SAMD12: variants seen among roughly 807,000 people sequenced by gnomAD.
The protein encoded by SAMD12 is sterile alpha motif domain-containing protein 12.
Under a neutral mutation model 15.0 loss-of-function variants are expected in SAMD12, and 9 were observed. That is an observed-to-expected ratio of 0.60 (90% CI 0.36 to 1.05). The LOEUF (loss-of-function observed/expected upper bound fraction) is 1.05. Among genes scored for constraint, SAMD12 ranks in the 50% least tolerant of loss-of-function variants. SAMD12 has a pLI of 0.01. For missense variants in SAMD12, 230 were observed against 234.2 expected (o/e 0.98, Z 0.12); for synonymous variants, 86 against 90.1 (o/e 0.96, Z 0.25).
At chr8:118,165,655 A>G in the SAMD12 span, among the ~76,000 whole-genome samples, 1 of 90,656 alleles carries the variant, frequency 1.1e-5, no homozygotes, top group African/African-American at 4.6e-5. Flanking sequence ...TATATAAAAC[A>G]TAACAGGTGA....
At chr8:118,282,774 T>G (rs1280260784) in intron 4 of SAMD12, among the ~76,000 whole-genome samples, 4 of 152,214 alleles carry the variant, frequency 2.6e-5, no homozygotes, top group African/African-American at 9.7e-5. Context: ...ATAGACTGTT[T>G]TTATTAGCTG....
the SAMD12 span, among the ~76,000 whole-genome samples, chr8:118,136,886 TC>T: frequency 6.6e-6 from 1 of 152,224 alleles, no homozygotes; most frequent in African/African-American, 2.4e-5. Flanking sequence ...CTAGACAGTT[TC>T]TTTCTGCCTC....
rs1259931070 is a variant in SAMD12, at chr8:118,443,492, A to C, written c.193-3531T>G. On this transcript the variant is annotated intron_variant, in intron 2 of 3. Transcript: ENST00000314727. ...AACACTGTCTCAAAAAAAAAAATTA[A>C]GATGGTATGAGCCTACAAAAATGCC... Among the ~76,000 whole-genome samples the C allele has an allele frequency of 2.0e-5, 3 of 152,138 alleles. No homozygotes were observed. In the East Asian group the frequency reaches 5.8e-4, roughly 29 times the overall value.
intron 4 of SAMD12, among the ~76,000 whole-genome samples, chr8:118,327,261 C>G (rs1033899942): frequency 6.6e-6 from 1 of 152,226 alleles, no homozygotes; most frequent in Non-Finnish European, 1.5e-5. Flanking sequence ...CTCCTGGCTT[C>G]TTTCTTGCTT....
At chr8:118,348,581 C>T (rs1230392090) in intron 4 of SAMD12, among the ~76,000 whole-genome samples, 1 of 152,060 alleles carries the variant, frequency 6.6e-6, no homozygotes, top group Non-Finnish European at 1.5e-5. Flanking sequence ...ACCGTGTTCG[C>T]TAGGATGGTC....
At chr8:118,279,501 C>T (rs557712803) in intron 4 of SAMD12, among the ~76,000 whole-genome samples, 51 of 152,318 alleles carry the variant, frequency 3.3e-4, no homozygotes, top group African/African-American at 1.1e-3. Flanking sequence ...ATTAAGAAGA[C>T]ATGGTTACGT....
intron 4 of SAMD12, among the ~76,000 whole-genome samples, chr8:118,318,337 T>TAC (rs1816045926): frequency 1.0e-5 from 1 of 96,986 alleles, no homozygotes; most frequent in Non-Finnish European, 2.2e-5. Flanking sequence ...TATATATATA[T>TAC]ATATATATAT....
intron 4 of SAMD12, among the ~76,000 whole-genome samples, chr8:118,323,510 C>T (rs138356344): frequency 0.022 from 3,409 of 152,022 alleles, 131 homozygotes; most frequent in African/African-American, 0.07. Flanking sequence ...TCCTGTAATC[C>T]CAGCACTTTG....
chr8:118,273,431 T>C (rs1168062354), intron 4 of SAMD12, among the ~76,000 whole-genome samples: 1 of 151,820 alleles, frequency 6.6e-6, no homozygotes, highest in Non-Finnish European at 1.5e-5. Flanking sequence ...TATCAGGGAG[T>C]GAAACAAAAA....
the SAMD12 span, among the ~76,000 whole-genome samples, chr8:118,151,071 A>AT: frequency 0.3 from 45,556 of 151,478 alleles, 6,835 homozygotes; most frequent in Admixed American, 0.33. Context: ...AGTTTGACGG[A>AT]TTTTTTCTTA....
chr8:118,553,168 T>C (rs959307505), intron 2 of SAMD12, among the ~76,000 whole-genome samples: 3 of 151,998 alleles, frequency 2.0e-5, no homozygotes, highest in Admixed American at 6.6e-5. Context: ...CTTCACAGAA[T>C]TGGAAAAAAC....
intron 4 of SAMD12, among the ~76,000 whole-genome samples, chr8:118,223,315 A>C (rs1291083288): frequency 6.6e-6 from 1 of 152,150 alleles, no homozygotes; most frequent in Non-Finnish European, 1.5e-5. Flanking sequence ...CATTAGGCCC[A>C]CGGATTCAAT....
intron 4 of SAMD12, among the ~76,000 whole-genome samples, chr8:118,273,832 G>C (rs537621632): frequency 6.6e-6 from 1 of 152,136 alleles, no homozygotes; most frequent in Non-Finnish European, 1.5e-5. Flanking sequence ...TAGCATCATG[G>C]AAACAAGTAC....
chr8:118,542,505 G>A lies in SAMD12; in HGVS notation c.192+38210C>T, dbSNP rs144339973. Among the ~76,000 whole-genome samples, 187 of 152,256 alleles carry A rather than the reference G, an allele frequency of 1.2e-3. 1 individual carries two copies. Among genetic ancestry groups the A allele is most frequent in the African/African-American group, 4.3e-3 (179 of 41,540 alleles). ...AAATTCCAGTTTCTAAGGGAATGTG[G>A]TTCTAAGGGCATTTGGAGATGGGGA... is the stretch of plus-strand genomic sequence containing the variant. On this transcript the variant is annotated intron_variant, in intron 2 of 3. Coordinates refer to ENST00000314727, the MANE Select transcript of SAMD12 (RefSeq NM_207506.3).
intron 4 of SAMD12, among the ~76,000 whole-genome samples, chr8:118,371,386 GAA>G (rs1327383818): frequency 6.6e-6 from 1 of 152,076 alleles, no homozygotes; most frequent in African/African-American, 2.4e-5. Flanking sequence ...AATGGCCTGG[GAA>G]AGAGCTGAAG....
intron 2 of SAMD12, among the ~76,000 whole-genome samples, chr8:118,569,649 G>C (rs1260940172): frequency 6.6e-6 from 1 of 152,152 alleles, no homozygotes; most frequent in Non-Finnish European, 1.5e-5. Flanking sequence ...CATCCACACA[G>C]AGGAGAAACA....
chr8:118,537,206 G>A (rs746445805), intron 2 of SAMD12, among the ~76,000 whole-genome samples: 6 of 151,970 alleles, frequency 3.9e-5, no homozygotes, highest in East Asian at 1.9e-4. Flanking sequence ...TTTTAGGATC[G>A]TTTCTTTATC....
chr8:118,323,487 C>T (rs1381562101), intron 4 of SAMD12, among the ~76,000 whole-genome samples: 3 of 152,064 alleles, frequency 2.0e-5, no homozygotes, highest in Non-Finnish European at 4.4e-5. Flanking sequence ...CTACACCGAA[C>T]GTGGTGGCTG....
intron 4 of SAMD12, among the ~76,000 whole-genome samples, chr8:118,337,542 C>T (rs1192371681): frequency 1.3e-5 from 2 of 152,056 alleles, no homozygotes; most frequent in East Asian, 3.9e-4. Flanking sequence ...TGAAAAATTC[C>T]AAAAATAAAC....
Sources: allele counts gnomAD v4.1 joint callset (sites outside exome capture counted in the v4.1 genomes callset), GRCh38; gene constraint gnomAD v4.1.1; transcripts MANE v1.5; gene names NCBI Gene and HGNC (gene_info 2026-07-23, HGNC 2026-07-21).